CADM2: variants seen among roughly 807,000 people sequenced by gnomAD.
CADM2 encodes the protein cell adhesion molecule 2.
A neutral mutation model predicts 49.8 loss-of-function variants in CADM2; 12 were observed. The ratio of observed to expected loss-of-function variants is 0.24; its 90% CI spans 0.15 to 0.39. The LOEUF (loss-of-function observed/expected upper bound fraction) is 0.39. Among genes scored for constraint, CADM2 ranks in the 10% least tolerant of loss-of-function variants. The probability of loss-of-function intolerance (pLI) is 1.00; values close to 1 mark genes in which losing one functional copy is unlikely to be tolerated. For synonymous variants in CADM2, 214 were observed against 175.4 expected (o/e 1.22, Z -1.74); for missense variants, 378 against 492.3 (o/e 0.77, Z 2.20).
chr3:85,010,684 C>G (rs1168835470), intron 1 of CADM2, among the ~76,000 whole-genome samples: 1 of 151,786 alleles, frequency 6.6e-6, no homozygotes, highest in Admixed American at 6.6e-5. Flanking sequence ...TGTTACTCCC[C>G]TCCTATGGCA....
chr3:85,104,844 G>C (rs1386445083), intron 1 of CADM2, among the ~76,000 whole-genome samples: 1 of 151,806 alleles, frequency 6.6e-6, no homozygotes, highest in Admixed American at 6.6e-5. Flanking sequence ...TGTGAATGGA[G>C]TTCACTCATG....
At chr3:85,017,174 A>T (rs1370027979) in intron 1 of CADM2, among the ~76,000 whole-genome samples, 2 of 152,222 alleles carry the variant, frequency 1.3e-5, no homozygotes, top group Non-Finnish European at 2.9e-5. Context: ...GAAAAAGCAG[A>T]TGGAGGAAGA....
intron 8 of CADM2, among the ~76,000 whole-genome samples, chr3:86,018,337 T>C (rs1312485586): frequency 6.8e-6 from 1 of 146,452 alleles, no homozygotes; most frequent in Non-Finnish European, 1.5e-5. Flanking sequence ...GCAATAAACA[T>C]ACGTGTGCAT....
intron 1 of CADM2, among the ~76,000 whole-genome samples, chr3:85,536,333 GTA>G (rs910543039): frequency 6.6e-6 from 1 of 151,652 alleles, no homozygotes; most frequent in African/African-American, 2.4e-5. Context: ...AACAAAGAAA[GTA>G]TATTAAATCA....
chr3:85,668,189 C>G (rs1392309724), intron 1 of CADM2, among the ~76,000 whole-genome samples: 1 of 150,818 alleles, frequency 6.6e-6, no homozygotes, highest in Non-Finnish European at 1.5e-5. Context: ...TGCTCATCCT[C>G]CTTCTGATAG....
chr3:85,179,262 T>A (rs2040863174), intron 1 of CADM2, among the ~76,000 whole-genome samples: 3 of 151,992 alleles, frequency 2.0e-5, no homozygotes, highest in Admixed American at 6.6e-5. Context: ...ATCAGCATTC[T>A]CCCCTTTCTA....
At chr3:85,405,320 C>T (rs556662387) in intron 1 of CADM2, among the ~76,000 whole-genome samples, 1 of 152,244 alleles carries the variant, frequency 6.6e-6, no homozygotes, top group South Asian at 2.1e-4. Context: ...AGTCATTACC[C>T]TGTTTCTAAC....
chr3:85,896,762 T>A (rs974799134), intron 5 of CADM2, among the ~76,000 whole-genome samples: 1 of 152,204 alleles, frequency 6.6e-6, no homozygotes, highest in East Asian at 1.9e-4. Context: ...CTTCTAATTT[T>A]CAAGTTGGCA....
chr3:85,906,182 T>C (rs868230604), intron 5 of CADM2, among the ~76,000 whole-genome samples: 35 of 152,110 alleles, frequency 2.3e-4, no homozygotes, highest in Non-Finnish European at 8.8e-5. Flanking sequence ...CAATAAAACA[T>C]CATTTTAAAT....
intron 8 of CADM2, among the ~76,000 whole-genome samples, chr3:86,048,301 A>G (rs1041439692): frequency 1.3e-5 from 2 of 151,984 alleles, no homozygotes; most frequent in Admixed American, 6.6e-5. Flanking sequence ...CTCACAGAAA[A>G]TATAGCATTT....
At chr3:85,470,900 A>G (rs1198660926) in intron 1 of CADM2, among the ~76,000 whole-genome samples, 2 of 152,270 alleles carry the variant, frequency 1.3e-5, no homozygotes, top group East Asian at 3.9e-4. Flanking sequence ...TGTCATAACC[A>G]ATTAACTGGA....
intron 1 of CADM2, among the ~76,000 whole-genome samples, chr3:85,294,039 C>T (rs1207387046): frequency 1.3e-5 from 2 of 151,586 alleles, no homozygotes; most frequent in Non-Finnish European, 2.9e-5. Flanking sequence ...TCTAGAAAAC[C>T]CCATTGTCTC....
intron 2 of CADM2, among the ~76,000 whole-genome samples, chr3:85,743,719 G>A (rs17023255): frequency 0.15 from 23,536 of 152,046 alleles, 1,983 homozygotes; most frequent in African/African-American, 0.2. Flanking sequence ...ACTGAATAGC[G>A]CAAAGAGGCA....
At chr3:85,697,460 A>G (rs939163323) in intron 1 of CADM2, among the ~76,000 whole-genome samples, 6 of 152,128 alleles carry the variant, frequency 3.9e-5, no homozygotes, top group Admixed American at 3.9e-4. Flanking sequence ...TTAATTGAAT[A>G]TTAGTAACAG....
intron 1 of CADM2, among the ~76,000 whole-genome samples, chr3:85,172,517 T>A (rs1304272472): frequency 6.6e-6 from 1 of 152,084 alleles, no homozygotes; most frequent in East Asian, 1.9e-4. Flanking sequence ...TCACTACAAT[T>A]TATCTAAATG....
chr3:85,637,464 CG>C (rs530716225), intron 1 of CADM2, among the ~76,000 whole-genome samples: 4 of 147,092 alleles, frequency 2.7e-5, no homozygotes, highest in Non-Finnish European at 3.0e-5. Context: ...TAGCTGGGCG[CG>C]GTGGCGGGCG....
intron 1 of CADM2, among the ~76,000 whole-genome samples, chr3:85,071,846 T>C (rs140990676): frequency 2.7e-3 from 405 of 152,032 alleles, no homozygotes; most frequent in Middle Eastern, 0.01. Context: ...TGATTGTTTG[T>C]ATGAAGCAAA....
chr3:85,995,757 T>G (rs531027156), intron 8 of CADM2, among the ~76,000 whole-genome samples: 1 of 152,236 alleles, frequency 6.6e-6, no homozygotes, highest in African/African-American at 2.4e-5. Context: ...TAGTTCAAGT[T>G]ACAAGACTCA....
At chr3:85,013,434 A>C (rs759379499) in intron 1 of CADM2, among the ~76,000 whole-genome samples, 1 of 151,982 alleles carries the variant, frequency 6.6e-6, no homozygotes, top group Non-Finnish European at 1.5e-5. Context: ...AAGGAAAAGA[A>C]AAATATCCCA....
Sources: allele counts gnomAD v4.1 joint callset (sites outside exome capture counted in the v4.1 genomes callset), GRCh38; gene constraint gnomAD v4.1.1; transcripts MANE v1.5; gene names NCBI Gene and HGNC (gene_info 2026-07-23, HGNC 2026-07-21).